The following HS2ST1 variants were observed in gnomAD, a reference collection of about 807,000 sequenced individuals.
The protein encoded by HS2ST1 is heparan sulfate 2-O-sulfotransferase 1, also known as 2-O-sulfotransferase.
Under a neutral mutation model 42.9 loss-of-function variants are expected in HS2ST1, and 18 were observed. The ratio of observed to expected loss-of-function variants is 0.42; its 90% CI spans 0.29 to 0.62. HS2ST1 has a LOEUF of 0.62. HS2ST1 is among the 20% of genes least tolerant of loss of function. The pLI is 0.21. For missense variants in HS2ST1, 334 were observed against 433.8 expected, an observed-to-expected ratio of 0.77 and a Z score of 2.04; for synonymous variants, 146 against 152.9, an observed-to-expected ratio of 0.95 and a Z score of 0.33.
At chr1:86,927,266 A>G (rs1226460535) in intron 1 of HS2ST1, among the ~76,000 whole-genome samples, 2 of 152,164 alleles carry the variant, frequency 1.3e-5, no homozygotes, top group Non-Finnish European at 2.9e-5. Flanking sequence ...AGTTTGCCCT[A>G]TGGTGAATAT....
rs1431648330 is a variant in HS2ST1 at position 87,078,838 on chromosome 1, G to T, written c.364-5356G>T. Among the ~76,000 whole-genome samples, 8 of 152,096 alleles carry T rather than the reference G, an allele frequency of 5.3e-5. No homozygotes were observed. The East Asian group carries it at 1.5e-3, about 29-fold the overall frequency. On this transcript the variant is annotated intron_variant, in intron 2 of 6. Transcript: ENST00000370550. ...GAGAAATACCAGAAGAAAACAAACT[G>T]AAAGACAAAGCAAGTGGTGCAGGGA...
chr1:87,085,912 T>A (rs933572115), intron 3 of HS2ST1, among the ~76,000 whole-genome samples: 13 of 152,340 alleles, frequency 8.5e-5, no homozygotes, highest in Admixed American at 7.2e-4. Flanking sequence ...TATTAAATGC[T>A]GACATGAATT....
At chr1:87,097,378 ATTTTGTTTTG>A (rs901512834) in intron 4 of HS2ST1, among the ~76,000 whole-genome samples, 86 of 152,106 alleles carry the variant, frequency 5.7e-4, no homozygotes, top group African/African-American at 2.0e-3. Flanking sequence ...GCAGTATGTG[ATTTTGTTTTG>A]TTTTGTTTTG....
At chr1:86,991,660 ATC>A (rs1648955764) in intron 1 of HS2ST1, among the ~76,000 whole-genome samples, 1 of 152,228 alleles carries the variant, frequency 6.6e-6, no homozygotes. Flanking sequence ...CTAAGCTTAT[ATC>A]TCAAGTATGC....
chr1:87,007,939 A>G (rs1194564114), intron 1 of HS2ST1, among the ~76,000 whole-genome samples: 2 of 152,130 alleles, frequency 1.3e-5, no homozygotes, highest in African/African-American at 4.8e-5. Flanking sequence ...CTATCTTCTT[A>G]TTTGCAAATT....
At chr1:87,046,862 C>G (rs1181857450) in intron 1 of HS2ST1, among the ~76,000 whole-genome samples, 4 of 146,560 alleles carry the variant, frequency 2.7e-5, no homozygotes, top group Non-Finnish European at 6.0e-5. Context: ...AGGCACCCAC[C>G]ACGCCCAGCT....
intron 1 of HS2ST1, among the ~76,000 whole-genome samples, chr1:86,995,747 C>T (rs1186761806): frequency 6.6e-6 from 1 of 151,832 alleles, no homozygotes; most frequent in African/African-American, 2.4e-5. Context: ...AAGCTTCTGC[C>T]TTCATTGGAG....
chr1:87,097,520 A>G (rs1652096826), intron 4 of HS2ST1, among the ~76,000 whole-genome samples: 1 of 152,092 alleles, frequency 6.6e-6, no homozygotes, highest in South Asian at 2.1e-4. Context: ...CAGCCTCCTG[A>G]GTAGCTGGGA....
intron 1 of HS2ST1, among the ~76,000 whole-genome samples, chr1:87,004,535 G>C (rs2100572562): frequency 6.6e-6 from 1 of 152,238 alleles, no homozygotes; most frequent in East Asian, 1.9e-4. Context: ...TTAGAGGAAT[G>C]CATCATACAG....
At chr1:86,983,471 A>G (rs1396875220) in intron 1 of HS2ST1, among the ~76,000 whole-genome samples, 1 of 152,146 alleles carries the variant, frequency 6.6e-6, no homozygotes, top group Non-Finnish European at 1.5e-5. Context: ...CTCACTCACT[A>G]TCACGAGAAC....
intron 1 of HS2ST1, chr1:86,993,211 G>T: frequency 1.3e-6 from 2 of 1,486,460 alleles, no homozygotes; most frequent in Non-Finnish European, 1.8e-6. Flanking sequence ...GTGATAAAAG[G>T]TACAGTTTGT....
At chr1:86,996,442 CAAAAAAAAA>C (rs67401349) in intron 1 of HS2ST1, among the ~76,000 whole-genome samples, 1 of 112,904 alleles carries the variant, frequency 8.9e-6, no homozygotes, top group African/African-American at 3.4e-5. Flanking sequence ...AACTCTGTCT[CAAAAAAAAA>C]AAAAAAAAAA....
At chr1:87,093,872 T>TTTTTTTTTTTTTTTTTTTTTTTTG (rs1652002968) in intron 4 of HS2ST1, among the ~76,000 whole-genome samples, 1 of 151,878 alleles carries the variant, frequency 6.6e-6, no homozygotes, top group African/African-American at 2.4e-5. Flanking sequence ...TTTTCCTTTT[T>TTTTTTTTTTTTTTTTTTTTTTTTG]AATGATTTCT....
chr1:86,974,564 A>C (rs1648337745), intron 1 of HS2ST1, among the ~76,000 whole-genome samples: 1 of 152,210 alleles, frequency 6.6e-6, no homozygotes, highest in African/African-American at 2.4e-5. Flanking sequence ...TCCAAACAGA[A>C]GTTTGTGAAT....
intron 1 of HS2ST1, among the ~76,000 whole-genome samples, chr1:87,014,408 C>T (rs1288054067): frequency 6.6e-6 from 1 of 152,112 alleles, no homozygotes; most frequent in Non-Finnish European, 1.5e-5. Context: ...AAGACCTGCC[C>T]CCATGATTCA....
chr1:86,927,089 C>T (rs1159154740), intron 1 of HS2ST1, among the ~76,000 whole-genome samples: 5 of 152,104 alleles, frequency 3.3e-5, no homozygotes, highest in African/African-American at 1.2e-4. Context: ...TAACTGGTCA[C>T]ATTCTTGCTG....
At chr1:87,101,650 A>T (rs574629029) in intron 5 of HS2ST1, among the ~76,000 whole-genome samples, 8 of 152,294 alleles carry the variant, frequency 5.3e-5, no homozygotes, top group Admixed American at 3.3e-4. Context: ...TATCACAATC[A>T]TTAAACCAGT....
chr1:86,985,539 T>C (rs891396331), intron 1 of HS2ST1, among the ~76,000 whole-genome samples: 1,757 of 33,586 alleles, frequency 0.052, 34 homozygotes, highest in East Asian at 0.2. Context: ...TACATATATA[T>C]ACACACATAT....
chr1:86,990,817 T>G (rs1329406256), intron 1 of HS2ST1, among the ~76,000 whole-genome samples: 7 of 15,064 alleles, frequency 4.6e-4, no homozygotes, highest in African/African-American at 6.8e-4. Context: ...TAATTTTATA[T>G]ATATATATAT....
Sources: allele counts gnomAD v4.1 joint callset (sites outside exome capture counted in the v4.1 genomes callset), GRCh38; gene constraint gnomAD v4.1.1; transcripts MANE v1.5; gene names NCBI Gene and HGNC (gene_info 2026-07-23, HGNC 2026-07-21).